Variants in TOP6BL observed in about 807,000 individuals in gnomAD.
The protein encoded by TOP6BL is type 2 DNA topoisomerase 6 subunit B-like.
At chr11:66,839,775 A>G in the TOP6BL span, among the ~76,000 whole-genome samples, 1 of 152,222 alleles carries the variant, frequency 6.6e-6, no homozygotes, top group Admixed American at 6.5e-5. Context: ...AGACAAAGGA[A>G]TAAGTATCTT....
At chr11:66,791,475 A>AT in the TOP6BL span, among the ~76,000 whole-genome samples, 10 of 152,198 alleles carry the variant, frequency 6.6e-5, no homozygotes, top group Admixed American at 6.5e-4. Context: ...ATATATTTAT[A>AT]CATCTGTACT....
At chr11:66,800,651 A>G in the TOP6BL span, 5 of 1,602,834 alleles carry the variant, frequency 3.1e-6, no homozygotes, top group Non-Finnish European at 4.3e-6. Flanking sequence ...GTCAGATTTC[A>G]TTTCAGTGTA....
chr11:66,746,817 A>C, the TOP6BL span, among the ~76,000 whole-genome samples: 1 of 151,956 alleles, frequency 6.6e-6, no homozygotes, highest in African/African-American at 2.4e-5. Context: ...TTGAGGCTGC[A>C]GTGAACCATG....
the TOP6BL span, among the ~76,000 whole-genome samples, chr11:66,760,694 C>T: frequency 2.1e-4 from 30 of 143,328 alleles, no homozygotes; most frequent in Non-Finnish European, 3.3e-4. Flanking sequence ...CTCCCAGCTA[C>T]TTAGGAGACT....
the TOP6BL span, chr11:66,788,239 AG>A: frequency 5.6e-6 from 9 of 1,613,688 alleles, no homozygotes; most frequent in Admixed American, 1.7e-5. Flanking sequence ...AGGATATGAC[AG>A]GGGTAACACC....
the TOP6BL span, among the ~76,000 whole-genome samples, chr11:66,779,424 C>T: frequency 6.6e-6 from 1 of 152,216 alleles, no homozygotes; most frequent in Admixed American, 6.5e-5. Flanking sequence ...CTCATCATCA[C>T]TGGCCATCAG....
the TOP6BL span, among the ~76,000 whole-genome samples, chr11:66,809,989 G>A: frequency 6.6e-6 from 1 of 152,006 alleles, no homozygotes; most frequent in African/African-American, 2.4e-5. Context: ...GAAATATGAA[G>A]AAAATTATAC....
the TOP6BL span, among the ~76,000 whole-genome samples, chr11:66,823,011 AATGCC>A: frequency 1.6e-4 from 24 of 150,138 alleles, no homozygotes; most frequent in African/African-American, 5.9e-4. Flanking sequence ...AAAAAAAAAA[AATGCC>A]CAGGGCAGTG....
At chr11:66,834,617 T>C in the TOP6BL span, among the ~76,000 whole-genome samples, 6 of 152,170 alleles carry the variant, frequency 3.9e-5, no homozygotes, top group African/African-American at 1.4e-4. Context: ...GGAGTGTGTA[T>C]TCAGAGTGAA....
the TOP6BL span, among the ~76,000 whole-genome samples, chr11:66,841,754 A>G: frequency 9.9e-5 from 15 of 152,174 alleles, no homozygotes; most frequent in African/African-American, 3.4e-4. Context: ...GTGAGCTACA[A>G]TCACGCCACT....
chr11:66,816,206 A>G, the TOP6BL span: 50 of 1,605,988 alleles, frequency 3.1e-5, no homozygotes, highest in African/African-American at 3.3e-4. Flanking sequence ...TGGGGTAAGT[A>G]TAAGAGAATG....
the TOP6BL span, among the ~76,000 whole-genome samples, chr11:66,791,516 AAGAG>A: frequency 2.0e-5 from 3 of 152,078 alleles, no homozygotes; most frequent in Admixed American, 1.3e-4. Context: ...GTGAGGGGGC[AAGAG>A]AGAGAGACAG....
the TOP6BL span, chr11:66,771,164 T>C: frequency 3.3e-5 from 5 of 151,728 alleles, no homozygotes; most frequent in Admixed American, 3.3e-4. Flanking sequence ...TGGATTTCTT[T>C]TTTTCTTTTT....
the TOP6BL span, among the ~76,000 whole-genome samples, chr11:66,814,806 C>T: frequency 6.6e-6 from 1 of 152,288 alleles, no homozygotes; most frequent in South Asian, 2.1e-4. Context: ...CATACAAATG[C>T]AAGATGTAAT....
At chr11:66,796,868 T>G in the TOP6BL span, among the ~76,000 whole-genome samples, 2 of 151,988 alleles carry the variant, frequency 1.3e-5, no homozygotes, top group Non-Finnish European at 1.5e-5. Flanking sequence ...TTGTTTTTTT[T>G]TTTTTAGAGA....
chr11:66,842,867 A>C, the TOP6BL span: 1 of 1,572,458 alleles, frequency 6.4e-7, no homozygotes, highest in Non-Finnish European at 8.6e-7. Context: ...GGGCAAGCAG[A>C]AAACAAGAGG....
chr11:66,788,412 A>G, the TOP6BL span: 1 of 622,574 alleles, frequency 1.6e-6, no homozygotes, highest in African/African-American at 1.8e-5. Context: ...TTGCCTGTGC[A>G]GACATTAGAT....
chr11:66,836,020 T>C, the TOP6BL span, among the ~76,000 whole-genome samples: 1 of 152,372 alleles, frequency 6.6e-6, no homozygotes, highest in South Asian at 2.1e-4. Flanking sequence ...CACTGTGTGA[T>C]GGTTCCAATT....
At chr11:66,759,079 T>C in the TOP6BL span, 1 of 1,559,858 alleles carries the variant, frequency 6.4e-7, no homozygotes, top group Non-Finnish European at 8.7e-7. Flanking sequence ...GGCATGGTCC[T>C]CAAGAAGTTC....
Sources: gnomAD v4.1 joint callset for allele counts (sites outside exome capture counted in the v4.1 genomes callset) on GRCh38, gnomAD v4.1.1 for gene constraint, MANE v1.5 for transcripts, NCBI Gene and HGNC (gene_info 2026-07-23, HGNC 2026-07-21) for gene names.